The following PJA2 variants were observed in gnomAD, a reference collection of about 807,000 sequenced individuals.
The protein encoded by PJA2 is E3 ubiquitin-protein ligase Praja-2.
In PJA2, 25 loss-of-function variants were observed where a neutral mutation model predicts 69.3. That is an observed-to-expected ratio of 0.36 (90% CI 0.26 to 0.50). The LOEUF (loss-of-function observed/expected upper bound fraction) is 0.50, where lower values mean the gene tolerates loss of function less well. Ranked by LOEUF, PJA2 falls within the 20% of genes least tolerant of loss-of-function variation. The probability of loss-of-function intolerance (pLI) is 0.96; values close to 1 mark genes in which losing one functional copy is unlikely to be tolerated. For synonymous variants in PJA2, 308 were observed against 277.8 expected, an observed-to-expected ratio of 1.11 and a Z score of -1.08; for missense variants, 809 against 830.2, an observed-to-expected ratio of 0.97 and a Z score of 0.31.
intron 9 of PJA2, among the ~76,000 whole-genome samples, chr5:109,340,627 TCCCCCTCCCCCTCCCC>T (rs1762028349): frequency 2.3e-3 from 1 of 432 alleles, no homozygotes. Context: ...TCCCTCCCCC[TCCCCCTCCCCCTCCCC>T]CTCCCCCTCC....
At chr5:109,384,956 G>A (rs999834959) in intron 1 of PJA2, among the ~76,000 whole-genome samples, 2 of 152,024 alleles carry the variant, frequency 1.3e-5, no homozygotes, top group Non-Finnish European at 2.9e-5. Flanking sequence ...AGCTGGGACT[G>A]TAGGCGTGTG....
chr5:109,367,056 T>C (rs567624529), intron 5 of PJA2, among the ~76,000 whole-genome samples: 2 of 150,610 alleles, frequency 1.3e-5, no homozygotes, highest in Non-Finnish European at 3.0e-5. Flanking sequence ...CACTTGAACC[T>C]GGGAGATGGA....
intron 7 of PJA2, among the ~76,000 whole-genome samples, chr5:109,354,388 C>CTATGA (rs1561346204): frequency 7.4e-6 from 1 of 135,234 alleles, no homozygotes; most frequent in African/African-American, 3.1e-5. Flanking sequence ...GATTAGATAT[C>CTATGA]TCTGATATCT....
intron 9 of PJA2, among the ~76,000 whole-genome samples, chr5:109,341,555 G>GT (rs1762058728): frequency 1.4e-5 from 2 of 145,644 alleles, no homozygotes; most frequent in Non-Finnish European, 3.1e-5. Context: ...AGGTGGGGGG[G>GT]GGTCAGCCCC....
intron 7 of PJA2, among the ~76,000 whole-genome samples, chr5:109,354,123 G>GATATCTA (rs1426483435): frequency 0.018 from 789 of 44,424 alleles, 134 homozygotes; most frequent in Non-Finnish European, 0.041. Context: ...AGATATCTAT[G>GATATCTA]GTATCTAGAG....
chr5:109,398,495 G>A (rs115126718), intron 1 of PJA2, among the ~76,000 whole-genome samples: 7,928 of 151,984 alleles, frequency 0.052, 225 homozygotes, highest in African/African-American at 0.08. Context: ...GATGAAGCTC[G>A]AAACCATCAT....
intron 4 of PJA2, among the ~76,000 whole-genome samples, chr5:109,372,660 C>T (rs917073641): frequency 7.2e-5 from 11 of 151,840 alleles, no homozygotes; most frequent in African/African-American, 2.7e-4. Context: ...AATCCCAGCA[C>T]TTTGGGAGGT....
rs1032929839 is a variant in PJA2 at position 109,344,910 on chromosome 5, A to C, written c.1765-91T>G. On this transcript the variant is annotated intron_variant, in intron 7 of 9. Transcript: ENST00000361189. ...AGGGTATCTCCAAAATTATATCACCATTATTCTCTTTTTGTTAGTTTCTTT... is the reference window on the plus strand; with the variant it reads ...AGGGTATCTCCAAAATTATATCACCCTTATTCTCTTTTTGTTAGTTTCTTT... The C allele has an allele frequency of 1.6e-5, 12 of 759,116 alleles. No individual in the cohort carries two copies. The Admixed American group carries it at 2.8e-4, about 18-fold the overall frequency. 47.0% of individuals were successfully genotyped at this position (759,116 alleles called of 1,614,324 possible).
At chr5:109,396,319 T>G (rs1050614747) in intron 1 of PJA2, among the ~76,000 whole-genome samples, 2 of 151,726 alleles carry the variant, frequency 1.3e-5, no homozygotes, top group African/African-American at 2.4e-5. Flanking sequence ...CTTATAAAAC[T>G]AATCAGTCCA....
At chr5:109,356,107 A>G (rs1270944756) in intron 6 of PJA2, 81 bp from the exon 7 acceptor site, 1 of 865,798 alleles carries the variant, frequency 1.2e-6, no homozygotes, top group Non-Finnish European at 1.8e-6. Context: ...TTATATTAGC[A>G]TACTGACAAG....
intron 6 of PJA2, among the ~76,000 whole-genome samples, chr5:109,358,962 C>T (rs1762467083): frequency 6.6e-6 from 1 of 152,172 alleles, no homozygotes; most frequent in Non-Finnish European, 1.5e-5. Flanking sequence ...TAGAAGCCTA[C>T]TGACTATAGC....
At chr5:109,354,109 G>C (rs1561345760) in intron 7 of PJA2, among the ~76,000 whole-genome samples, 1 of 105,058 alleles carries the variant, frequency 9.5e-6, no homozygotes, top group East Asian at 2.2e-4. Context: ...GATATCTATA[G>C]ATTAGATATC....
intron 6 of PJA2, among the ~76,000 whole-genome samples, chr5:109,358,695 C>T (rs1762461405): frequency 6.6e-6 from 1 of 152,128 alleles, no homozygotes; most frequent in Non-Finnish European, 1.5e-5. Context: ...GTAGCTCATG[C>T]TTGTAGTCCC....
intron 9 of PJA2, among the ~76,000 whole-genome samples, chr5:109,340,130 A>G (rs148212171): frequency 2.2e-4 from 33 of 152,344 alleles, no homozygotes; most frequent in East Asian, 1.9e-3. Context: ...AACTTGCACC[A>G]TAAGTTTTTA....
Position 109,391,036 on chromosome 5 carries a change from C to T in PJA2, c.-87-7516G>A, listed in dbSNP as rs552525787. On this transcript the variant is annotated intron_variant, in intron 1 of 9. Coordinates refer to ENST00000361189, the MANE Select transcript of PJA2 (RefSeq NM_014819.5). The stretch of plus-strand genomic sequence containing the variant: ...AAATGGGGTTACGCCCTGACAAATC[C>T]ACTGTAAAATGAAAATATTATTAAG... 3.9e-5 allele frequency among the ~76,000 whole-genome samples: 6 copies of T among 152,206 alleles called. No homozygotes were observed. In the East Asian group the frequency reaches 1.2e-3, roughly 29 times the overall value.
rs1405898532 is a variant in PJA2 at position 109,352,957 on chromosome 5, T to C, written c.1764+2958A>G. On this transcript the variant is annotated intron_variant, in intron 7 of 9. Transcript: ENST00000361189. Reference sequence around the variant, plus strand: ...CTATGTATTAGATACCTATTATATCTATAGACATCTATATATTAGATACCT... The same window carrying C: ...CTATGTATTAGATACCTATTATATCCATAGACATCTATATATTAGATACCT... Among the ~76,000 whole-genome samples the C allele has an allele frequency of 1.1e-4, 9 of 79,224 alleles. No individual in the cohort carries two copies. In the Admixed American group the frequency reaches 1.2e-3, roughly 11 times the overall value. 52.0% of individuals were successfully genotyped at this position (79,224 alleles called of 152,430 possible). A position where few individuals can be genotyped will look rare whatever the true frequency, so the allele number is the denominator to read the frequency against.
At chr5:109,352,339 C>A (rs878872691) in intron 7 of PJA2, among the ~76,000 whole-genome samples, 1 of 152,216 alleles carries the variant, frequency 6.6e-6, no homozygotes, top group South Asian at 2.1e-4. Flanking sequence ...AAAGTTATCT[C>A]CATATTGTAG....
chr5:109,352,413 ATCAC>A (rs1271398533), intron 7 of PJA2, among the ~76,000 whole-genome samples: 15 of 152,202 alleles, frequency 9.9e-5, no homozygotes, highest in Admixed American at 3.9e-4. Flanking sequence ...CCTAGAACAG[ATCAC>A]TCAAAGAGTT....
Position 109,378,381 on chromosome 5 carries a change from C to T in PJA2, c.1106G>A (p.Gly369Glu). ...ATCCAAGAACATACAGTCATGCTCT[C>T]CATCATATTCTTCACATTTTATTAA... The part of the protein sequence containing the change: ...DLLIKCEEYD[G>E]EHDCMFLDPP... Residue 369 changes from glycine (G) to glutamate (E), a missense_variant, in exon 4 of 10, where the codon GGA becomes GAA. By Grantham distance (98) the Gly-to-Glu change is moderately conservative (BLOSUM62 -2). Around this residue, in one of 4 missense-constraint regions of PJA2, gnomAD observed 700 missense variants for 639.5 expected, o/e 1.09. Coordinates refer to ENST00000361189, the MANE Select transcript of PJA2 (RefSeq NM_014819.5). 1 of 1,614,154 alleles carries T rather than the reference C, an allele frequency of 6.2e-7. No homozygotes were observed. The highest frequency in any genetic ancestry group is 8.5e-7 in the Non-Finnish European group (1 of 1,180,004).
Sources: gnomAD v4.1 joint callset for allele counts (sites outside exome capture counted in the v4.1 genomes callset) on GRCh38, gnomAD v4.1.1 for gene constraint, gnomAD v4.1.1 regional missense constraint, MANE v1.5 for transcripts, NCBI Gene and HGNC (gene_info 2026-07-23, HGNC 2026-07-21) for gene names.